The following NLGN4Y variants were observed in gnomAD, a reference collection of about 807,000 sequenced individuals.
The protein encoded by NLGN4Y is neuroligin-4, Y-linked.
A neutral mutation model predicts 8.4 loss-of-function variants in NLGN4Y; 4 were observed. That is an observed-to-expected ratio of 0.48 (90% CI 0.23 to 1.09). The LOEUF is 1.09. Ranked by LOEUF, NLGN4Y falls within the 50% of genes least tolerant of loss-of-function variation. The pLI, the probability that NLGN4Y is intolerant of heterozygous loss-of-function variation, is 0.19. For missense variants in NLGN4Y, 90 were observed against 192.3 expected (o/e 0.47, Z 3.15); for synonymous variants, 35 against 75.6 (o/e 0.46, Z 2.78).
intron 1 of NLGN4Y, among the ~76,000 whole-genome samples, chrY:14,550,653 A>G: frequency 3.0e-5 from 1 of 33,895 alleles, no homozygotes; most frequent in Non-Finnish European, 7.3e-5. Context: ...TTTGCTGGAT[A>G]TGAAATTCTG....
chrY:14,534,067 C>T (rs2080122851), intron 1 of NLGN4Y, among the ~76,000 whole-genome samples: 1 of 32,990 alleles, frequency 3.0e-5, no homozygotes, highest in Non-Finnish European at 7.4e-5. Flanking sequence ...CATGTGTATG[C>T]GTCTTTATAG....
At position 14,841,446 on chromosome Y, in the gene NLGN4Y, A is replaced by G; in HGVS notation, c.*184A>G. ...CTCATTGGCATTTTCCAGTATTGTG[A>G]GATCAATTTCTGACCATATGAAATG... On this transcript the variant is annotated 3_prime_UTR_variant, in exon 7 of 7. Coordinates refer to ENST00000684976, the MANE Select transcript of NLGN4Y (RefSeq NM_001365588.1). The G allele has an allele frequency of 1.7e-5, 3 of 181,269 alleles. No homozygotes were observed. The highest frequency in any genetic ancestry group is 3.1e-5 in the Non-Finnish European group (3 of 96,589). The allele number at this position is 181,269 out of a possible 400,897, so 45.2% of individuals were successfully genotyped here. A position where few individuals can be genotyped will look rare whatever the true frequency, so the allele number is the denominator to read the frequency against.
chrY:14,608,794 A>G (rs752387649), intron 1 of NLGN4Y, among the ~76,000 whole-genome samples: 2 of 32,664 alleles, frequency 6.1e-5, no homozygotes, highest in South Asian at 7.0e-4. Flanking sequence ...TTTAAAAACT[A>G]CTTTGGGCAG....
chrY:14,841,561 G>A lies in NLGN4Y; in HGVS notation c.*299G>A. ...TGTGACTAGGACATCACCATTTCAA[G>A]GAACTGTGTGTTTCCAACATCATGG... On this transcript the variant is annotated 3_prime_UTR_variant, in exon 7 of 7. Transcript: ENST00000684976. The A allele has an allele frequency of 7.6e-6, 1 of 131,582 alleles. No individual in the cohort carries two copies. The highest frequency in any genetic ancestry group is 1.6e-5 in the Non-Finnish European group (1 of 62,887). 32.8% of individuals were successfully genotyped at this position (131,582 alleles called of 400,897 possible). A position where few individuals can be genotyped will look rare whatever the true frequency, so the allele number is the denominator to read the frequency against.
chrY:14,783,397 C>T (rs780212357), intron 4 of NLGN4Y, among the ~76,000 whole-genome samples: 113 of 32,717 alleles, frequency 3.5e-3, no homozygotes, highest in African/African-American at 0.012. Context: ...TTCCTTTAAA[C>T]GTGAGATTTT....
At chrY:14,545,091 C>T (rs2150466844) in intron 1 of NLGN4Y, among the ~76,000 whole-genome samples, 3 of 32,862 alleles carry the variant, frequency 9.1e-5, no homozygotes, top group African/African-American at 3.6e-4. Flanking sequence ...TCATCCATGT[C>T]GCTACAAAGG....
chrY:14,598,366 T>G (rs2080412908), intron 1 of NLGN4Y, among the ~76,000 whole-genome samples: 2 of 33,964 alleles, frequency 5.9e-5, no homozygotes, highest in Non-Finnish European at 1.5e-4. Context: ...GAGGCCTGGC[T>G]AGAAATCCAG....
At chrY:14,773,862 G>A (rs2081115968) in intron 4 of NLGN4Y, among the ~76,000 whole-genome samples, 1 of 33,482 alleles carries the variant, frequency 3.0e-5, no homozygotes, top group East Asian at 7.8e-4. Flanking sequence ...AAACTGGCAA[G>A]CCATATGCGG....
At chrY:14,593,860 T>A in intron 1 of NLGN4Y, among the ~76,000 whole-genome samples, 1 of 33,446 alleles carries the variant, frequency 3.0e-5, no homozygotes, top group Non-Finnish European at 7.4e-5. Flanking sequence ...GATTCCCTCC[T>A]CAAGTAGGGG....
At chrY:14,561,392 C>T (rs1603499664) in intron 1 of NLGN4Y, among the ~76,000 whole-genome samples, 2 of 32,788 alleles carry the variant, frequency 6.1e-5, no homozygotes, top group East Asian at 1.6e-3. Context: ...CATCCATGTC[C>T]TTGCAAAGGA....
At chrY:14,762,220 T>G in intron 4 of NLGN4Y, among the ~76,000 whole-genome samples, 1 of 34,185 alleles carries the variant, frequency 2.9e-5, no homozygotes, top group African/African-American at 1.1e-4. Flanking sequence ...GTAAGAGATA[T>G]CTGATAATCA....
chrY:14,733,614 C>G, intron 4 of NLGN4Y: 1 of 134,244 alleles, frequency 7.4e-6, no homozygotes. Flanking sequence ...AACAAGAGAT[C>G]CTTCTAGTTC....
At chrY:14,571,506 T>C (rs975573791) in intron 1 of NLGN4Y, among the ~76,000 whole-genome samples, 2 of 33,483 alleles carry the variant, frequency 6.0e-5, no homozygotes, top group East Asian at 7.9e-4. Flanking sequence ...AGCCCTTTGT[T>C]AGATGAGTAG....
At chrY:14,653,020 G>T in intron 2 of NLGN4Y, among the ~76,000 whole-genome samples, 1 of 32,298 alleles carries the variant, frequency 3.1e-5, no homozygotes, top group African/African-American at 1.2e-4. Flanking sequence ...ATGTTTATAT[G>T]TGTGTAAACA....
At chrY:14,755,002 A>G in intron 4 of NLGN4Y, among the ~76,000 whole-genome samples, 1 of 33,430 alleles carries the variant, frequency 3.0e-5, no homozygotes, top group Non-Finnish European at 7.4e-5. Context: ...CACATACTCT[A>G]TGTAGTTTTA....
Position 14,589,426 on chromosome Y carries a change from TGAGCTAGACATAAAGGTTCTCCA to T in NLGN4Y, c.-111-32582_-111-32560del. On this transcript the variant is annotated intron_variant, in intron 1 of 6. Transcript: ENST00000684976. ...TGCCGATTGGTGTATTTACAATCCC[TGAGCTAGACATAAAGGTTCTCCA>T]CGTCCTCACCAGAGCAGCTAGATAC... Among the ~76,000 whole-genome samples, 6 of 30,338 alleles carry T rather than the reference TGAGCTAGACATAAAGGTTCTCCA, an allele frequency of 2.0e-4. No individual in the cohort carries two copies. The South Asian group carries it at 4.9e-3, about 25-fold the overall frequency. The allele number at this position is 30,338 out of a possible 37,273, so 81.4% of individuals were successfully genotyped here.
At chrY:14,757,124 A>T (rs927625443) in intron 4 of NLGN4Y, among the ~76,000 whole-genome samples, 1 of 29,354 alleles carries the variant, frequency 3.4e-5, no homozygotes, top group Admixed American at 3.4e-4. Context: ...GTTTGTACAT[A>T]ATTTAGATTT....
intron 2 of NLGN4Y, among the ~76,000 whole-genome samples, chrY:14,653,475 G>A (rs1471344070): frequency 3.1e-5 from 1 of 32,306 alleles, no homozygotes. Context: ...TGCCTCCTGG[G>A]TTCAAGTTAT....
At chrY:14,570,409 T>G (rs2080265148) in intron 1 of NLGN4Y, among the ~76,000 whole-genome samples, 1 of 32,364 alleles carries the variant, frequency 3.1e-5, no homozygotes, top group Non-Finnish European at 7.6e-5. Flanking sequence ...CTTCTGCCTC[T>G]GAGGCTGTTG....
Sources: allele counts gnomAD v4.1 joint callset (sites outside exome capture counted in the v4.1 genomes callset), GRCh38; gene constraint gnomAD v4.1.1; transcripts MANE v1.5; gene names NCBI Gene and HGNC (gene_info 2026-07-23, HGNC 2026-07-21).